Variants in SEC14L3 observed in about 807,000 individuals in gnomAD.
The protein encoded by SEC14L3 is SEC14-like protein 3.
Under a neutral mutation model 57.4 loss-of-function variants are expected in SEC14L3, and 56 were observed. That is an observed-to-expected ratio of 0.97 (90% CI 0.79 to 1.22). The LOEUF (loss-of-function observed/expected upper bound fraction) is 1.22. Among genes scored for constraint, SEC14L3 ranks in the 50% most tolerant of loss-of-function variants. The probability of loss-of-function intolerance (pLI) is 0.00; values close to 1 mark genes in which losing one functional copy is unlikely to be tolerated. For synonymous variants in SEC14L3, 173 were observed against 194.4 expected, an observed-to-expected ratio of 0.89 and a Z score of 0.92; for missense variants, 485 against 511.7, an observed-to-expected ratio of 0.95 and a Z score of 0.50.
intron 12 of SEC14L3, among the ~76,000 whole-genome samples, chr22:30,452,729 T>A (rs1273703151): frequency 2.0e-5 from 3 of 149,782 alleles, no homozygotes; most frequent in African/African-American, 7.5e-5. Flanking sequence ...TTTTTTTTTT[T>A]TTTTGACAGG....
Position 30,464,789 on chromosome 22 carries a change from G to A in SEC14L3, c.664+31C>T, listed in dbSNP as rs778979422. On this transcript the variant is annotated intron_variant, in intron 8 of 11. Coordinates refer to ENST00000215812, the MANE Select transcript of SEC14L3 (RefSeq NM_174975.5). Reference sequence around the variant, plus strand: ...AACCTCACTCCAAAGGTCATGTATAGAGGTCAGGAAATTGAGCTGGCACTA... The same window carrying A: ...AACCTCACTCCAAAGGTCATGTATAAAGGTCAGGAAATTGAGCTGGCACTA... 1.7e-5 allele frequency: 28 copies of A among 1,608,660 alleles called. No homozygotes were observed. In the South Asian group the frequency reaches 2.4e-4, roughly 14 times the overall value.
intron 5 of SEC14L3, among the ~76,000 whole-genome samples, chr22:30,467,442 AC>A (rs1205062647): frequency 6.6e-6 from 1 of 152,196 alleles, no homozygotes; most frequent in Admixed American, 6.5e-5. Context: ...TTTATCAAGC[AC>A]TTTTTTGTGT....
chr22:30,449,202 A>G (rs1319430405), exon 13 of SEC14L3: 2 of 1,550,548 alleles, frequency 1.3e-6, no homozygotes, highest in Non-Finnish European at 1.7e-6. Context: ...GCATATAATC[A>G]CGGGCAGATG....
Position 30,464,886 on chromosome 22 carries a change from C to T in SEC14L3, c.598G>A (p.Val200Met). ...LIVKATKLFP[V>M]GYNLMKPFLS... ...AATGGCTTCATGAGGTTGTAGCCCA[C>T]AGGGAACAGTTTGGTAGCTGGAGAG... The change falls in exon 8 of 12, where the codon GTG (valine) becomes ATG (methionine). Residue 200 changes from valine (V) to methionine (M), a missense_variant. Val to Met is a conservative substitution (Grantham distance 21, BLOSUM62 1). Transcript: ENST00000215812. 1 of 1,614,028 alleles carries T rather than the reference C, an allele frequency of 6.2e-7. No homozygotes were observed. The highest frequency in any genetic ancestry group is 8.5e-7 in the Non-Finnish European group (1 of 1,179,904).
chr22:30,456,554 C>T (rs952125934), downstream of SEC14L3, among the ~76,000 whole-genome samples: 1 of 151,970 alleles, frequency 6.6e-6, no homozygotes, highest in African/African-American at 2.4e-5. Context: ...CTCTTTTAAG[C>T]AATTGTAGAA....
downstream of SEC14L3, among the ~76,000 whole-genome samples, chr22:30,454,562 A>ATAT (rs10677217): frequency 7.9e-3 from 440 of 55,548 alleles, no homozygotes; most frequent in African/African-American, 0.021. Context: ...ATCTATAATA[A>ATAT]TATTATATAT....
chr22:30,455,140 T>A (rs1191503601), downstream of SEC14L3, among the ~76,000 whole-genome samples: 1 of 95,040 alleles, frequency 1.1e-5, no homozygotes, highest in Non-Finnish European at 1.9e-5. Context: ...ATATTTAATA[T>A]TTAATATATA....
chr22:30,455,180 A>AGT (rs1323216484), downstream of SEC14L3, among the ~76,000 whole-genome samples: 540 of 109,946 alleles, frequency 4.9e-3, 8 homozygotes, highest in East Asian at 5.3e-3. Context: ...TATTATATTT[A>AGT]ATATTTAATA....
intron 12 of SEC14L3, among the ~76,000 whole-genome samples, chr22:30,451,905 T>G (rs936491407): frequency 7.1e-6 from 1 of 140,228 alleles, no homozygotes; most frequent in Non-Finnish European, 1.5e-5. Flanking sequence ...GGCACGAGAA[T>G]GGCTTGAAGC....
chr22:30,455,225 A>AATATATT (rs1277655408), downstream of SEC14L3, among the ~76,000 whole-genome samples: 366 of 126,022 alleles, frequency 2.9e-3, 6 homozygotes, highest in Middle Eastern at 7.4e-3. Flanking sequence ...TAAATAATAT[A>AATATATT]ATATATAATA....
In SEC14L3 at chr22:30,464,870, A is replaced by G. The variant is rs1935369975; in HGVS notation, c.614T>C (p.Met205Thr). The G allele has an allele frequency of 2.5e-6, 4 of 1,613,956 alleles. No individual in the cohort carries two copies. The highest frequency in any genetic ancestry group is 3.4e-6 in the Non-Finnish European group (4 of 1,179,800). ...TKLFPVGYNL[M>T]KPFLSEDTRR... ...AGTGTCCTCACTCAGGAATGGCTTC[A>G]TGAGGTTGTAGCCCACAGGGAACAG... is the stretch of plus-strand genomic sequence containing the variant. Residue 205 changes from methionine to threonine, a missense_variant, in exon 8 of 12, where the codon ATG becomes ACG. Physicochemically the swap from Met to Thr is moderately conservative, Grantham distance 81. Transcript: ENST00000215812.
rs1312639866 is a variant in SEC14L3, at chr22:30,468,531, C to T, written c.400G>A (p.Glu134Lys). ...ACCCTCTCTGTCTGCAGGTCACACT[C>T]ATGCAGGATGCGCTCACAGTCCCTC... ...KMRDCERILH[E>K]CDLQTERLGK... is the part of the protein sequence containing the mutation. The change falls in exon 5 of 12, where the codon GAG (glutamate) becomes AAG (lysine). Residue 134 changes from glutamate to lysine, a missense_variant. Physicochemically the swap from Glu to Lys is moderately conservative, Grantham distance 56 (BLOSUM62 1). Coordinates refer to ENST00000215812, the MANE Select transcript of SEC14L3 (RefSeq NM_174975.5). 3 of 1,613,716 alleles carry T rather than the reference C, an allele frequency of 1.9e-6. No individual in the cohort carries two copies. Among genetic ancestry groups the T allele is most frequent in the Non-Finnish European group, 2.5e-6 (3 of 1,179,856 alleles).
At chr22:30,452,742 C>A (rs150754465) in intron 12 of SEC14L3, among the ~76,000 whole-genome samples, 4,219 of 125,626 alleles carry the variant, frequency 0.034, 94 homozygotes, top group Middle Eastern at 0.071. Context: ...TTGACAGGTT[C>A]TCACTCTGTC....
rs375943459 is a variant in SEC14L3 at position 30,461,305 on chromosome 22, C to T, written c.1081+5G>A. The T allele has an allele frequency of 1.3e-6, 2 of 1,578,472 alleles. No individual in the cohort carries two copies. Among genetic ancestry groups the T allele is most frequent in the Non-Finnish European group, 1.7e-6 (2 of 1,162,608 alleles). On this transcript the variant is annotated splice_donor_5th_base_variant and intron_variant, in intron 11 of 11. Transcript: ENST00000215812. ...AGAGCCAGGTCCCAGCTGGGGCAGA[C>T]TTACAGACGCCGGCCTCTGAGCAGG...
intron 12 of SEC14L3, among the ~76,000 whole-genome samples, chr22:30,451,074 G>A (rs1249355274): frequency 2.6e-5 from 4 of 152,254 alleles, no homozygotes; most frequent in Non-Finnish European, 5.9e-5. Flanking sequence ...AAAGCTCAGT[G>A]TGTGACTGCT....
At chr22:30,460,345 A>C in intron 11 of SEC14L3, 3 of 888,582 alleles carry the variant, frequency 3.4e-6, no homozygotes, top group Non-Finnish European at 4.0e-6. Flanking sequence ...TCCTCTTGGC[A>C]TGTGCCCAGG....
downstream of SEC14L3, among the ~76,000 whole-genome samples, chr22:30,454,756 A>C (rs1318962612): frequency 1.3e-5 from 1 of 78,540 alleles, no homozygotes. Flanking sequence ...TATTATATAT[A>C]ATATATAATA....
chr22:30,466,735 G>A (rs1935429192), intron 6 of SEC14L3, among the ~76,000 whole-genome samples: 1 of 151,996 alleles, frequency 6.6e-6, no homozygotes, highest in Non-Finnish European at 1.5e-5. Context: ...CATTTTGTAG[G>A]TCAGGAAACA....
intron 11 of SEC14L3, among the ~76,000 whole-genome samples, chr22:30,460,397 A>G (rs1424304080): frequency 6.6e-6 from 1 of 152,146 alleles, no homozygotes; most frequent in Non-Finnish European, 1.5e-5. Context: ...ATTACATCCC[A>G]TTGTCTCACA....
Sources: gnomAD v4.1 joint callset for allele counts (sites outside exome capture counted in the v4.1 genomes callset) on GRCh38, gnomAD v4.1.1 for gene constraint, MANE v1.5 for transcripts, NCBI Gene and HGNC (gene_info 2026-07-23, HGNC 2026-07-21) for gene names.